ADGRL3: variants seen among roughly 807,000 people sequenced by gnomAD.
ADGRL3 encodes the protein calcium-independent alpha-latrotoxin receptor 3.
A neutral mutation model predicts 153.5 loss-of-function variants in ADGRL3; 62 were observed. The observed-to-expected ratio is 0.40, with a 90% CI of 0.33 to 0.50. The LOEUF (loss-of-function observed/expected upper bound fraction) is 0.50, where lower values mean the gene tolerates loss of function less well. Ranked by LOEUF, ADGRL3 falls within the 20% of genes least tolerant of loss-of-function variation. The pLI is 0.47. For missense variants in ADGRL3, 1,641 were observed against 1,859.4 expected, an observed-to-expected ratio of 0.88 and a Z score of 2.16; for synonymous variants, 710 against 672.5, an observed-to-expected ratio of 1.06 and a Z score of -0.86.
At chr4:61,621,069 G>A (rs1489907781) in intron 5 of ADGRL3, among the ~76,000 whole-genome samples, 4 of 151,990 alleles carry the variant, frequency 2.6e-5, no homozygotes, top group African/African-American at 9.7e-5. Context: ...AAACAATAAA[G>A]TATTTTTAGG....
chr4:61,291,665 TGA>T (rs1014812556), intron 1 of ADGRL3, among the ~76,000 whole-genome samples: 1 of 106,302 alleles, frequency 9.4e-6, no homozygotes, highest in African/African-American at 3.4e-5. Flanking sequence ...AGAGAAAGAG[TGA>T]GAGAGAGAAA....
At position 61,922,585 on chromosome 4, in the gene ADGRL3, G is replaced by T. The variant is rs192016237; in HGVS notation, c.2112+9828G>T. Among the ~76,000 whole-genome samples, 4 of 152,222 alleles carry T rather than the reference G, an allele frequency of 2.6e-5. No individual in the cohort carries two copies. The East Asian group carries it at 7.7e-4, about 29-fold the overall frequency. The stretch of plus-strand genomic sequence containing the variant: ...TATCATATTACATTTAATTAGCTCT[G>T]CTAGGCTGTGGCAGTTTTTCAGACT... On this transcript the variant is annotated intron_variant, in intron 13 of 26. Transcript: ENST00000683033.
intron 5 of ADGRL3, among the ~76,000 whole-genome samples, chr4:61,588,487 C>T (rs190214286): frequency 5.0e-4 from 76 of 151,740 alleles, no homozygotes; most frequent in Admixed American, 1.3e-3. Context: ...ATTATAAATA[C>T]GAATTATAAT....
At chr4:61,867,515 C>CATATATATATATATAT (rs3065826) in intron 9 of ADGRL3, among the ~76,000 whole-genome samples, 1,737 of 80,950 alleles carry the variant, frequency 0.021, 118 homozygotes, top group Non-Finnish European at 0.025. Flanking sequence ...AATATATATG[C>CATATATATATATATAT]ATATATATAT....
Position 61,518,836 on chromosome 4 carries a change from A to G in ADGRL3, c.259+1318A>G, listed in dbSNP as rs527567988. 3.7e-4 allele frequency among the ~76,000 whole-genome samples: 56 copies of G among 152,320 alleles called. No homozygotes were observed. In the Middle Eastern group the frequency reaches 0.01, roughly 28 times the overall value. On this transcript the variant is annotated intron_variant, in intron 4 of 26. Coordinates refer to ENST00000683033, the MANE Select transcript of ADGRL3 (RefSeq NM_001387552.1). ...GGGCAATGGATAGTAAACATTCTTT[A>G]AGAACTTCCTATTTTTCCCTTTCTG...
chr4:61,489,495 C>A (rs569640494), intron 2 of ADGRL3, among the ~76,000 whole-genome samples: 2 of 152,078 alleles, frequency 1.3e-5, no homozygotes, highest in East Asian at 3.9e-4. Context: ...AAATATACAT[C>A]TATCCAGATA....
intron 9 of ADGRL3, among the ~76,000 whole-genome samples, chr4:61,869,530 G>C (rs1363917520): frequency 1.3e-5 from 2 of 151,892 alleles, no homozygotes; most frequent in Non-Finnish European, 2.9e-5. Context: ...CCCGGGAAGC[G>C]GAGCTTGCAG....
At chr4:62,006,033 T>TA (rs1491468575) in intron 21 of ADGRL3, among the ~76,000 whole-genome samples, 1,956 of 43,438 alleles carry the variant, frequency 0.045, 44 homozygotes, top group Non-Finnish European at 0.062. Context: ...TATATATATA[T>TA]TTTTTTTTTT....
chr4:61,215,747 T>C (rs2148929030), intron 1 of ADGRL3, among the ~76,000 whole-genome samples: 1 of 151,904 alleles, frequency 6.6e-6, no homozygotes, highest in Non-Finnish European at 1.5e-5. Flanking sequence ...GGAGACGGGG[T>C]TTCGCCGTGT....
intron 2 of ADGRL3, among the ~76,000 whole-genome samples, chr4:61,438,981 A>T (rs1407985664): frequency 2.0e-5 from 3 of 152,026 alleles, no homozygotes; most frequent in Non-Finnish European, 4.4e-5. Context: ...TGCGGTTGTT[A>T]CGATCTTAAG....
chr4:61,288,712 A>G (rs2094044501), intron 1 of ADGRL3, among the ~76,000 whole-genome samples: 1 of 151,998 alleles, frequency 6.6e-6, no homozygotes, highest in African/African-American at 2.4e-5. Context: ...GTTTCCCAAA[A>G]CTGTTTAAAG....
At chr4:61,299,051 C>G (rs2094500190) in intron 1 of ADGRL3, among the ~76,000 whole-genome samples, 1 of 152,004 alleles carries the variant, frequency 6.6e-6, no homozygotes, top group Non-Finnish European at 1.5e-5. Context: ...GAGTATTTAG[C>G]TTGCTTTTAA....
At chr4:61,439,097 G>A (rs1361418287) in intron 2 of ADGRL3, among the ~76,000 whole-genome samples, 1 of 152,068 alleles carries the variant, frequency 6.6e-6, no homozygotes. Context: ...ATATTATAGA[G>A]CAAAACCAAG....
chr4:62,031,322 A>T, intron 22 of ADGRL3, 120 bp from the exon 23 acceptor site: 1 of 777,778 alleles, frequency 1.3e-6, no homozygotes, highest in Non-Finnish European at 2.0e-6. Context: ...CACCTGTCTT[A>T]CATTTTCTGT....
intron 1 of ADGRL3, among the ~76,000 whole-genome samples, chr4:61,309,295 C>G (rs2094913060): frequency 6.6e-6 from 1 of 152,034 alleles, no homozygotes; most frequent in African/African-American, 2.4e-5. Flanking sequence ...TTGGTTCTCC[C>G]CCTGTTATAC....
At chr4:61,547,760 G>A (rs138171502) in intron 4 of ADGRL3, among the ~76,000 whole-genome samples, 1 of 152,060 alleles carries the variant, frequency 6.6e-6, no homozygotes, top group African/African-American at 2.4e-5. Flanking sequence ...ATTCCTTTGG[G>A]TATATACCCT....
At chr4:61,331,341 C>T (rs2095568682) in intron 1 of ADGRL3, among the ~76,000 whole-genome samples, 1 of 152,068 alleles carries the variant, frequency 6.6e-6, no homozygotes, top group African/African-American at 2.4e-5. Flanking sequence ...TACTTTTGTC[C>T]TTGATACTTA....
chr4:61,328,824 C>T (rs2095514825), intron 1 of ADGRL3, among the ~76,000 whole-genome samples: 1 of 152,112 alleles, frequency 6.6e-6, no homozygotes, highest in Non-Finnish European at 1.5e-5. Flanking sequence ...AATTCTCCTA[C>T]TCCTGCTCCT....
At position 61,647,415 on chromosome 4, in the gene ADGRL3, G is replaced by A. The variant is rs548639360; in HGVS notation, c.474-29411G>A. 4.6e-5 allele frequency among the ~76,000 whole-genome samples: 7 copies of A among 152,198 alleles called. No individual in the cohort carries two copies. In the East Asian group the frequency reaches 1.4e-3, roughly 29 times the overall value. On this transcript the variant is annotated intron_variant, in intron 5 of 26. Transcript: ENST00000683033. The stretch of plus-strand genomic sequence containing the variant: ...ATCTTAGAAAGACAGTAGAACTAGG[G>A]TTTGTCCCCATATCTGAGTACCTGT...
Sources: gnomAD v4.1 joint callset for allele counts (sites outside exome capture counted in the v4.1 genomes callset) on GRCh38, gnomAD v4.1.1 for gene constraint, MANE v1.5 for transcripts, NCBI Gene and HGNC (gene_info 2026-07-23, HGNC 2026-07-21) for gene names.